The following BANK1 variants were observed in gnomAD, a reference collection of about 807,000 sequenced individuals.
The protein encoded by BANK1 is B-cell scaffold protein with ankyrin repeats.
In BANK1, 95 loss-of-function variants were observed where a neutral mutation model predicts 94.5. The ratio of observed to expected loss-of-function variants is 1.00; its 90% CI spans 0.85 to 1.19. BANK1 has a LOEUF of 1.19. Among genes scored for constraint, BANK1 ranks in the 50% most tolerant of loss-of-function variants. The pLI is 0.00. For missense variants in BANK1, 987 were observed against 932.2 expected, an observed-to-expected ratio of 1.06 and a Z score of -0.77; for synonymous variants, 334 against 308.4, an observed-to-expected ratio of 1.08 and a Z score of -0.87.
chr4:101,831,194 G>A (rs189584942), intron 2 of BANK1, among the ~76,000 whole-genome samples: 35 of 151,882 alleles, frequency 2.3e-4, no homozygotes, highest in African/African-American at 6.8e-4. Context: ...ATCTTTTTCC[G>A]GACAAACTCT....
At chr4:102,059,447 G>T (rs1308305989) in intron 11 of BANK1, among the ~76,000 whole-genome samples, 2 of 152,174 alleles carry the variant, frequency 1.3e-5, no homozygotes, top group Non-Finnish European at 2.9e-5. Context: ...TGTCATCCAG[G>T]AACTCTAACG....
chr4:101,953,503 C>T (rs1187165554), intron 7 of BANK1, among the ~76,000 whole-genome samples: 1 of 151,590 alleles, frequency 6.6e-6, no homozygotes, highest in African/African-American at 2.4e-5. Context: ...AGCAGACTTG[C>T]AACACTGTAT....
At chr4:101,951,895 A>G (rs1015026551) in intron 7 of BANK1, among the ~76,000 whole-genome samples, 1 of 152,042 alleles carries the variant, frequency 6.6e-6, no homozygotes, top group African/African-American at 2.4e-5. Context: ...ATGTGTGCTC[A>G]TAAGTAGAAA....
chr4:102,026,222 G>A (rs899782863), intron 9 of BANK1, among the ~76,000 whole-genome samples: 1 of 152,176 alleles, frequency 6.6e-6, no homozygotes, highest in African/African-American at 2.4e-5. Context: ...TCTGCCTGGA[G>A]TGTTCAACAG....
chr4:101,838,809 C>T (rs1560595407), intron 2 of BANK1, among the ~76,000 whole-genome samples: 1 of 152,098 alleles, frequency 6.6e-6, no homozygotes, highest in African/African-American at 2.4e-5. Context: ...CACTTGGTAA[C>T]CTCAGTAATT....
At chr4:101,851,696 T>C (rs1268954910) in intron 2 of BANK1, among the ~76,000 whole-genome samples, 1 of 152,220 alleles carries the variant, frequency 6.6e-6, no homozygotes, top group Non-Finnish European at 1.5e-5. Flanking sequence ...AAAAAATTGC[T>C]GGAGTTAGCC....
At chr4:102,066,861 G>A (rs1362551958) in intron 13 of BANK1, among the ~76,000 whole-genome samples, 2 of 152,246 alleles carry the variant, frequency 1.3e-5, no homozygotes, top group East Asian at 3.9e-4. Flanking sequence ...CAAAAATAAT[G>A]AAACTTAAGT....
chr4:102,014,165 A>G (rs765304285), intron 7 of BANK1, among the ~76,000 whole-genome samples: 2 of 152,260 alleles, frequency 1.3e-5, no homozygotes, highest in Middle Eastern at 6.8e-3. Context: ...ATCAGTTATG[A>G]TTATCATCAT....
chr4:101,897,665 C>T (rs958885330), intron 6 of BANK1, among the ~76,000 whole-genome samples: 1 of 151,980 alleles, frequency 6.6e-6, no homozygotes, highest in African/African-American at 2.4e-5. Flanking sequence ...CTGCATATTG[C>T]AATCACCTGT....
chr4:101,907,981 C>G (rs1255175473), intron 6 of BANK1, among the ~76,000 whole-genome samples: 2 of 152,100 alleles, frequency 1.3e-5, no homozygotes, highest in Non-Finnish European at 2.9e-5. Flanking sequence ...CCATACTGCC[C>G]AAGGTAATTT....
chr4:101,843,836 C>T (rs538518648), intron 2 of BANK1, among the ~76,000 whole-genome samples: 1 of 151,956 alleles, frequency 6.6e-6, no homozygotes, highest in Non-Finnish European at 1.5e-5. Context: ...GCAGGAGAAT[C>T]GCTGGAATCT....
intron 1 of BANK1, among the ~76,000 whole-genome samples, chr4:101,829,234 T>A (rs1726509092): frequency 6.6e-6 from 1 of 152,162 alleles, no homozygotes; most frequent in African/African-American, 2.4e-5. Flanking sequence ...GGTTCCTTTA[T>A]CTTTCTTATT....
intron 7 of BANK1, among the ~76,000 whole-genome samples, chr4:101,996,984 G>T (rs1413560166): frequency 2.0e-5 from 3 of 152,126 alleles, no homozygotes; most frequent in Non-Finnish European, 4.4e-5. Flanking sequence ...GGAGTGGTGA[G>T]AGAGGGCATC....
intron 11 of BANK1, among the ~76,000 whole-genome samples, chr4:102,058,759 C>A (rs967047493): frequency 1.4e-5 from 2 of 143,482 alleles, no homozygotes; most frequent in South Asian, 2.2e-4. Flanking sequence ...AGAGAAAAGA[C>A]AAGTCAAGAA....
At chr4:101,937,633 T>C (rs1239094422) in intron 7 of BANK1, among the ~76,000 whole-genome samples, 1 of 151,940 alleles carries the variant, frequency 6.6e-6, no homozygotes, top group Non-Finnish European at 1.5e-5. Flanking sequence ...ACTTTTATAC[T>C]GTTGATGGAA....
rs1724624568 is a variant in BANK1 at position 101,962,992 on chromosome 4, C to T, written c.1206+44803C>T. On this transcript the variant is annotated intron_variant, in intron 7 of 16. Coordinates refer to ENST00000322953, the MANE Select transcript of BANK1 (RefSeq NM_017935.5). ...CAAAATGTACAAATTTGCTCTTGTT[C>T]CAACAGTGCATTTGTTATATATACA... 2.0e-5 allele frequency among the ~76,000 whole-genome samples: 3 copies of T among 152,032 alleles called. No individual in the cohort carries two copies. The South Asian group carries it at 6.2e-4, about 31-fold the overall frequency.
At position 101,998,717 on chromosome 4, in the gene BANK1, A is replaced by G. The variant is rs1342689489; in HGVS notation, c.1207-22797A>G. 3.3e-5 allele frequency among the ~76,000 whole-genome samples: 5 copies of G among 152,182 alleles called. No individual in the cohort carries two copies. The East Asian group carries it at 7.7e-4, about 23-fold the overall frequency. ...GTTGGTCTAAAGTCCATTTTATCAG[A>G]GAATCCTCTCTTTTTCTACTTTTTA... On this transcript the variant is annotated intron_variant, in intron 7 of 16. Transcript: ENST00000322953.
intron 6 of BANK1, among the ~76,000 whole-genome samples, chr4:101,909,688 T>G (rs989521300): frequency 1.3e-5 from 2 of 152,194 alleles, no homozygotes; most frequent in African/African-American, 4.8e-5. Context: ...GAGATTTTGT[T>G]TATTGCCAGT....
At chr4:101,835,768 A>C (rs917686869) in intron 2 of BANK1, among the ~76,000 whole-genome samples, 2 of 152,090 alleles carry the variant, frequency 1.3e-5, no homozygotes, top group Non-Finnish European at 2.9e-5. Context: ...TCCTTTTTGC[A>C]TGGTCTTTCA....
Sources: allele counts gnomAD v4.1 joint callset (sites outside exome capture counted in the v4.1 genomes callset), GRCh38; gene constraint gnomAD v4.1.1; transcripts MANE v1.5; gene names NCBI Gene and HGNC (gene_info 2026-07-23, HGNC 2026-07-21).